CRTAC1: variants seen among roughly 807,000 people sequenced by gnomAD.
CRTAC1 encodes the protein cartilage acidic protein 1.
Under a neutral mutation model 67.8 loss-of-function variants are expected in CRTAC1, and 37 were observed. That is an observed-to-expected ratio of 0.55 (90% confidence interval 0.42 to 0.72). The LOEUF (loss-of-function observed/expected upper bound fraction) is 0.72. CRTAC1 is among the 30% of genes least tolerant of loss of function. The probability of loss-of-function intolerance (pLI) is 0.00; values close to 1 mark genes in which losing one functional copy is unlikely to be tolerated. For synonymous variants in CRTAC1, 348 were observed against 371.0 expected (o/e 0.94, Z 0.71); for missense variants, 780 against 931.6 (o/e 0.84, Z 2.12).
chr10:97,956,275 G>C (rs1448088557), intron 2 of CRTAC1, among the ~76,000 whole-genome samples: 1 of 152,218 alleles, frequency 6.6e-6, no homozygotes, highest in African/African-American at 2.4e-5. Flanking sequence ...CACTTTATAT[G>C]CATGTTCTCA....
chr10:97,880,443 C>T lies in CRTAC1; in HGVS notation c.1676-51G>A, dbSNP rs773510808. On this transcript the variant is annotated intron_variant, in intron 13 of 14. Coordinates refer to ENST00000370597, the MANE Select transcript of CRTAC1 (RefSeq NM_018058.7). ...CATGAAGGTGTGGGGCAGCAAGTAC[C>T]AGCCCAGGCTCTGCCTGCCTATACA... is the stretch of plus-strand genomic sequence containing the variant. 3.1e-6 allele frequency: 5 copies of T among 1,597,996 alleles called. No individual in the cohort carries two copies. In the South Asian group the frequency reaches 3.3e-5, roughly 11 times the overall value.
intron 14 of CRTAC1, among the ~76,000 whole-genome samples, chr10:97,872,258 C>T (rs2050101767): frequency 6.6e-6 from 1 of 152,114 alleles, no homozygotes; most frequent in South Asian, 2.1e-4. Context: ...GGGCAAGGTG[C>T]CACTGAGAAG....
intron 1 of CRTAC1, 66 bp from the exon 2 acceptor site, chr10:98,011,403 G>T: frequency 6.3e-7 from 1 of 1,592,694 alleles, no homozygotes; most frequent in South Asian, 1.1e-5. Flanking sequence ...GAACATTAAA[G>T]TCCTGGGTAG....
At chr10:97,910,270 A>G (rs1246153035) in intron 5 of CRTAC1, among the ~76,000 whole-genome samples, 1 of 152,248 alleles carries the variant, frequency 6.6e-6, no homozygotes, top group African/African-American at 2.4e-5. Flanking sequence ...CCATTCCACA[A>G]TGTCTACATT....
intron 2 of CRTAC1, among the ~76,000 whole-genome samples, chr10:97,997,258 AT>A (rs1267676153): frequency 5.5e-5 from 8 of 144,942 alleles, no homozygotes; most frequent in African/African-American, 1.8e-4. Flanking sequence ...AATAATAATA[AT>A]AATAATAATA....
intron 12 of CRTAC1, among the ~76,000 whole-genome samples, chr10:97,883,919 C>A (rs575509972): frequency 6.6e-6 from 1 of 152,288 alleles, no homozygotes; most frequent in South Asian, 2.1e-4. Context: ...CCTTGGTGGG[C>A]CTTGGTGGAT....
At chr10:97,908,331 T>C (rs961941963) in intron 5 of CRTAC1, among the ~76,000 whole-genome samples, 184 bp from the exon 6 acceptor site, 3 of 152,064 alleles carry the variant, frequency 2.0e-5, no homozygotes, top group Non-Finnish European at 4.4e-5. Context: ...TGAATCTGTG[T>C]GGAAGGTAAC....
intron 11 of CRTAC1, among the ~76,000 whole-genome samples, chr10:97,889,498 C>T (rs1395071432): frequency 6.6e-6 from 1 of 151,728 alleles, no homozygotes; most frequent in African/African-American, 2.4e-5. Flanking sequence ...GAGAAGGGAC[C>T]CCACAGCAAG....
chr10:97,939,665 C>T (rs1280516690), intron 2 of CRTAC1, among the ~76,000 whole-genome samples: 2 of 152,146 alleles, frequency 1.3e-5, no homozygotes, highest in Admixed American at 1.3e-4. Context: ...CTTCTTCCCT[C>T]CCCGCTTCTT....
rs922067947 is a variant in CRTAC1 at position 98,002,067 on chromosome 10, G to A, written c.224+9071C>T. Among the ~76,000 whole-genome samples, 8 of 152,308 alleles carry A rather than the reference G, an allele frequency of 5.3e-5. No homozygotes were observed. In the East Asian group the frequency reaches 1.5e-3, roughly 29 times the overall value. On this transcript the variant is annotated intron_variant, in intron 2 of 14. Coordinates refer to ENST00000370597, the MANE Select transcript of CRTAC1 (RefSeq NM_018058.7). ...TCAGCTCTCTCCTGCCCTAGGCCTG[G>A]GCCTCTGCAGCCTGCAGTAGGGCCC...
chr10:97,974,795 T>C (rs1188406731), intron 2 of CRTAC1, among the ~76,000 whole-genome samples: 2 of 152,122 alleles, frequency 1.3e-5, no homozygotes, highest in East Asian at 1.9e-4. Flanking sequence ...TGTTCAGAGA[T>C]AGGAAAAAAG....
intron 5 of CRTAC1, among the ~76,000 whole-genome samples, chr10:97,913,634 AC>A (rs2050720152): frequency 6.6e-6 from 1 of 152,134 alleles, no homozygotes. Flanking sequence ...TGCATCTGAC[AC>A]CCCAGGGAAA....
chr10:97,972,438 C>T (rs138098304), intron 2 of CRTAC1, among the ~76,000 whole-genome samples: 52 of 152,316 alleles, frequency 3.4e-4, no homozygotes, highest in African/African-American at 1.2e-3. Flanking sequence ...GTGGGAGAGA[C>T]ACCTCTAAGT....
At chr10:97,917,742 A>G (rs2050780207) in intron 4 of CRTAC1, 86 bp from the exon 5 acceptor site, 2 of 1,137,694 alleles carry the variant, frequency 1.8e-6, no homozygotes, top group Non-Finnish European at 2.4e-6. Context: ...GTAGGACCAT[A>G]GCTCTTTCAC....
At chr10:97,921,521 T>G (rs1187589741) in intron 4 of CRTAC1, among the ~76,000 whole-genome samples, 1 of 152,244 alleles carries the variant, frequency 6.6e-6, no homozygotes, top group Non-Finnish European at 1.5e-5. Flanking sequence ...AGTGACAGCA[T>G]CTACCTCATT....
At position 97,894,708 on chromosome 10, in the gene CRTAC1, TTACATATATATATATA is replaced by T. The variant is rs1434556429; in HGVS notation, c.1486+521_1486+536del. 1.6e-3 allele frequency among the ~76,000 whole-genome samples: 63 copies of T among 39,986 alleles called. 1 individual carries two copies. The highest frequency in any genetic ancestry group is 3.8e-3 in the Admixed American group (9 of 2,346). The allele number at this position is 39,986 out of a possible 152,430, so 26.2% of individuals were successfully genotyped here. A position where few individuals can be genotyped will look rare whatever the true frequency, so the allele number is the denominator to read the frequency against. The stretch of plus-strand genomic sequence containing the variant: ...CCACTGTGCCCAGCCCCTGATGCTT[TTACATATATATATATA>T]TATATATATATATATATATATATAT... On this transcript the variant is annotated intron_variant, in intron 11 of 14. Transcript: ENST00000370597.
intron 2 of CRTAC1, among the ~76,000 whole-genome samples, chr10:97,970,293 T>G (rs908790494): frequency 3.3e-5 from 5 of 152,224 alleles, no homozygotes; most frequent in Non-Finnish European, 7.3e-5. Context: ...AGCTCTCAGC[T>G]TCCCCCTTTC....
chr10:98,030,266 G>A lies in CRTAC1; in HGVS notation c.24+183C>T, dbSNP rs1030495586. ...ACCCCCAGCCCGCGGGGGAGGCTCC[G>A]CGCGCCAATCGAGTCCAGCGCCTCC... On this transcript the variant is annotated intron_variant, in intron 1 of 14. Coordinates refer to ENST00000370597, the MANE Select transcript of CRTAC1 (RefSeq NM_018058.7). This position sits in a 1 kb window ranked among gnomAD's most constrained non-coding sequence, Gnocchi z 4.2. Among the ~76,000 whole-genome samples, 2 of 152,000 alleles carry A rather than the reference G, an allele frequency of 1.3e-5. No homozygotes were observed. The highest frequency in any genetic ancestry group is 2.9e-5 in the Non-Finnish European group (2 of 67,956).
At chr10:97,888,742 C>T (rs897096411) in intron 11 of CRTAC1, among the ~76,000 whole-genome samples, 16 of 152,160 alleles carry the variant, frequency 1.1e-4, no homozygotes, top group Admixed American at 3.3e-4. Context: ...CCAGCAGCCT[C>T]GAAGCCAGCT....
Sources: allele counts gnomAD v4.1 joint callset (sites outside exome capture counted in the v4.1 genomes callset), GRCh38; gene constraint gnomAD v4.1.1; non-coding constraint Gnocchi (gnomAD v3.1); transcripts MANE v1.5; gene names NCBI Gene and HGNC (gene_info 2026-07-23, HGNC 2026-07-21).